The following DRC9 variants were observed in gnomAD, a reference collection of about 807,000 sequenced individuals.
DRC9 encodes dynein regulatory complex subunit 9.
At chr3:197,945,481 A>T in the DRC9 span, 1 of 614,082 alleles carries the variant, frequency 1.6e-6, no homozygotes, top group South Asian at 2.1e-5. Context: ...AACTGTGGGA[A>T]AGAATAAATG....
the DRC9 span, among the ~76,000 whole-genome samples, chr3:197,896,169 C>A: frequency 6.6e-6 from 1 of 151,602 alleles, no homozygotes; most frequent in Non-Finnish European, 1.5e-5. Flanking sequence ...ATGGAGAAAC[C>A]CCGTCTCTAC....
chr3:197,913,361 CGTGT>C, the DRC9 span: 10 of 249,500 alleles, frequency 4.0e-5, no homozygotes, highest in East Asian at 3.8e-4. Flanking sequence ...TGCGTGCGTG[CGTGT>C]GTGCCATTTA....
chr3:197,939,992 CA>C, the DRC9 span, among the ~76,000 whole-genome samples: 1 of 151,420 alleles, frequency 6.6e-6, no homozygotes, highest in African/African-American at 2.4e-5. Flanking sequence ...CTAGTTGACG[CA>C]CTAAAAAAAA....
the DRC9 span, among the ~76,000 whole-genome samples, chr3:197,897,360 A>C: frequency 6.6e-6 from 1 of 152,212 alleles, no homozygotes; most frequent in Non-Finnish European, 1.5e-5. Flanking sequence ...TTTTATACTA[A>C]TAAAAGACAA....
the DRC9 span, among the ~76,000 whole-genome samples, chr3:197,905,745 A>G: frequency 6.6e-6 from 1 of 152,158 alleles, no homozygotes; most frequent in African/African-American, 2.4e-5. Flanking sequence ...CTCAGAAGAA[A>G]AAAAAAAGGA....
chr3:197,922,106 T>C, the DRC9 span, among the ~76,000 whole-genome samples: 12 of 152,386 alleles, frequency 7.9e-5, 2 homozygotes, highest in Middle Eastern at 0.024. Context: ...TTGGATCTTC[T>C]AGTCTTGGTT....
the DRC9 span, chr3:197,954,390 G>T: frequency 1.8e-6 from 1 of 552,334 alleles, no homozygotes; most frequent in Admixed American, 3.0e-5. Context: ...CTGGGGTGCA[G>T]TGGCATAATC....
the DRC9 span, chr3:197,956,020 G>A: frequency 2.0e-6 from 1 of 496,808 alleles, no homozygotes; most frequent in Non-Finnish European, 3.7e-6. Flanking sequence ...CCATGCTGGA[G>A]TGTAGTGGTG....
At chr3:197,926,237 G>A in the DRC9 span, 2 of 628,170 alleles carry the variant, frequency 3.2e-6, no homozygotes, top group East Asian at 2.8e-5. Flanking sequence ...GCAGGTCTGG[G>A]AGGGGCCTGA....
chr3:197,948,134 T>C, the DRC9 span, among the ~76,000 whole-genome samples: 1 of 151,976 alleles, frequency 6.6e-6, no homozygotes, highest in Non-Finnish European at 1.5e-5. Flanking sequence ...GGTTTCACTA[T>C]GTTGGCCAGG....
At chr3:197,890,330 G>A in the DRC9 span, among the ~76,000 whole-genome samples, 1 of 151,966 alleles carries the variant, frequency 6.6e-6, no homozygotes, top group Non-Finnish European at 1.5e-5. Flanking sequence ...TCTTGAGCCC[G>A]GGAAGCAGAG....
At chr3:197,922,866 A>G in the DRC9 span, among the ~76,000 whole-genome samples, 1 of 151,996 alleles carries the variant, frequency 6.6e-6, no homozygotes, top group Non-Finnish European at 1.5e-5. Flanking sequence ...AGAGTTTTTC[A>G]GGGAAAAGAG....
chr3:197,908,878 C>A, the DRC9 span, among the ~76,000 whole-genome samples: 1 of 151,182 alleles, frequency 6.6e-6, no homozygotes, highest in Non-Finnish European at 1.5e-5. Flanking sequence ...CAACCCTTTC[C>A]AAGGCACCCT....
the DRC9 span, chr3:197,954,014 C>T: frequency 1.2e-6 from 2 of 1,613,112 alleles, no homozygotes; most frequent in Non-Finnish European, 1.7e-6. Flanking sequence ...AACACAGTCA[C>T]TCCTGGCGGC....
the DRC9 span, chr3:197,938,514 C>T: frequency 6.5e-6 from 10 of 1,528,190 alleles, no homozygotes; most frequent in Admixed American, 1.7e-5. Flanking sequence ...TGTGTAAATA[C>T]GTTATTTCAC....
the DRC9 span, chr3:197,954,321 G>A: frequency 5.5e-6 from 4 of 724,944 alleles, no homozygotes; most frequent in Admixed American, 2.6e-5. Flanking sequence ...TTAGGTGTTT[G>A]GTTGTTTGTT....
chr3:197,946,184 C>G, the DRC9 span, among the ~76,000 whole-genome samples: 3 of 152,050 alleles, frequency 2.0e-5, no homozygotes, highest in African/African-American at 7.2e-5. Context: ...GCCTGTAATC[C>G]CAGCACTCTG....
chr3:197,915,760 G>A, the DRC9 span, among the ~76,000 whole-genome samples: 1 of 152,148 alleles, frequency 6.6e-6, no homozygotes, highest in East Asian at 1.9e-4. Context: ...CTTCTGAGTA[G>A]CTGGGATTAC....
chr3:197,948,500 T>G, the DRC9 span, among the ~76,000 whole-genome samples: 1 of 152,190 alleles, frequency 6.6e-6, no homozygotes, highest in Admixed American at 6.5e-5. Flanking sequence ...GTGCTAAGTC[T>G]CAGTGCTCAA....
Sources: gnomAD v4.1 joint callset for allele counts (sites outside exome capture counted in the v4.1 genomes callset) on GRCh38, gnomAD v4.1.1 for gene constraint, MANE v1.5 for transcripts, NCBI Gene and HGNC (gene_info 2026-07-23, HGNC 2026-07-21) for gene names.